The following CNTNAP2 variants were observed in gnomAD, a reference collection of about 807,000 sequenced individuals.
The protein encoded by CNTNAP2 is contactin-associated protein-like 2.
A neutral mutation model predicts 155.2 loss-of-function variants in CNTNAP2; 98 were observed. That is an observed-to-expected ratio of 0.63 (90% CI 0.54 to 0.75). CNTNAP2 has a LOEUF of 0.75. Among genes scored for constraint, CNTNAP2 ranks in the 30% least tolerant of loss-of-function variants. CNTNAP2 has a pLI of 0.00. For synonymous variants in CNTNAP2, 651 were observed against 631.2 expected, an observed-to-expected ratio of 1.03 and a Z score of -0.47; for missense variants, 1,727 against 1,688.1, an observed-to-expected ratio of 1.02 and a Z score of -0.40.
At chr7:147,556,745 C>T (rs1799958915) in intron 11 of CNTNAP2, among the ~76,000 whole-genome samples, 1 of 152,102 alleles carries the variant, frequency 6.6e-6, no homozygotes, top group Admixed American at 6.6e-5. Flanking sequence ...CCCAGTGAAC[C>T]CCATTTCAAA....
intron 21 of CNTNAP2, among the ~76,000 whole-genome samples, chr7:148,302,813 C>CT (rs59354674): frequency 0.44 from 38,546 of 86,934 alleles, 9,560 homozygotes; most frequent in East Asian, 0.66. Context: ...CTCGATTATT[C>CT]TTTTTTTTTT....
chr7:147,656,166 C>T (rs1795522543), intron 13 of CNTNAP2, among the ~76,000 whole-genome samples: 1 of 152,202 alleles, frequency 6.6e-6, no homozygotes, highest in African/African-American at 2.4e-5. Flanking sequence ...TAGGCTATGG[C>T]TTAAGGGAAT....
At chr7:147,522,284 TACTG>T (rs1183087765) in intron 11 of CNTNAP2, among the ~76,000 whole-genome samples, 3 of 152,226 alleles carry the variant, frequency 2.0e-5, no homozygotes, top group African/African-American at 7.2e-5. Flanking sequence ...AGCATATACT[TACTG>T]GTTTTTTATT....
At chr7:146,819,232 T>G (rs1803230472) in intron 2 of CNTNAP2, among the ~76,000 whole-genome samples, 1 of 152,198 alleles carries the variant, frequency 6.6e-6, no homozygotes, top group Non-Finnish European at 1.5e-5. Flanking sequence ...AACATATTGG[T>G]GCACATTATT....
chr7:146,187,211 TA>T (rs1798636832), intron 1 of CNTNAP2, among the ~76,000 whole-genome samples: 1 of 152,144 alleles, frequency 6.6e-6, no homozygotes, highest in Non-Finnish European at 1.5e-5. Context: ...CCAACTCTGG[TA>T]AATGTGAGTA....
chr7:146,130,320 C>G (rs1473026368), intron 1 of CNTNAP2, among the ~76,000 whole-genome samples: 1 of 151,990 alleles, frequency 6.6e-6, no homozygotes, highest in Non-Finnish European at 1.5e-5. Flanking sequence ...TAAAAACTAG[C>G]CAAGTGTGGT....
chr7:146,556,232 C>T lies in CNTNAP2; in HGVS notation c.98-218039C>T, dbSNP rs12111578. On this transcript the variant is annotated intron_variant, in intron 1 of 23. Coordinates refer to ENST00000361727, the MANE Select transcript of CNTNAP2 (RefSeq NM_014141.6). The stretch of plus-strand genomic sequence containing the variant: ...AGTGTAACCTAAAACTACTGTATTC[C>T]TTAAAAGTACTTAGAATAAGGAGAG... 4.2e-3 allele frequency among the ~76,000 whole-genome samples: 632 copies of T among 152,024 alleles called. 8 individuals are homozygous for T. The highest frequency in any genetic ancestry group is 0.014 in the African/African-American group (595 of 41,456).
chr7:147,631,530 C>T (rs1057349342), intron 12 of CNTNAP2, among the ~76,000 whole-genome samples: 1 of 152,042 alleles, frequency 6.6e-6, no homozygotes, highest in Admixed American at 6.6e-5. Flanking sequence ...CAAAGCAAGA[C>T]AAAGCTAAAA....
intron 1 of CNTNAP2, among the ~76,000 whole-genome samples, chr7:146,548,583 T>C (rs1422271811): frequency 6.6e-6 from 1 of 152,056 alleles, no homozygotes; most frequent in Non-Finnish European, 1.5e-5. Context: ...ATTTCCCTGA[T>C]GACTAGTGAC....
chr7:146,600,621 T>G (rs1798936556), intron 1 of CNTNAP2, among the ~76,000 whole-genome samples: 1 of 151,572 alleles, frequency 6.6e-6, no homozygotes, highest in Admixed American at 6.6e-5. Flanking sequence ...CATATATGTG[T>G]GTTTGTATCC....
intron 13 of CNTNAP2, among the ~76,000 whole-genome samples, chr7:147,864,925 T>G (rs986961493): frequency 6.6e-6 from 1 of 152,194 alleles, no homozygotes; most frequent in Non-Finnish European, 1.5e-5. Flanking sequence ...TATTTCTTTC[T>G]CCTGCCTGAT....
chr7:147,169,424 C>T (rs555814830), intron 8 of CNTNAP2, among the ~76,000 whole-genome samples: 38 of 152,128 alleles, frequency 2.5e-4, no homozygotes, highest in Non-Finnish European at 4.7e-4. Flanking sequence ...CAATCAACGC[C>T]CTCCCTCTTT....
At chr7:148,018,235 T>C (rs978312780) in intron 15 of CNTNAP2, among the ~76,000 whole-genome samples, 1 of 152,192 alleles carries the variant, frequency 6.6e-6, no homozygotes, top group African/African-American at 2.4e-5. Flanking sequence ...TAACTATTGA[T>C]TTGTTGAGGT....
intron 22 of CNTNAP2, among the ~76,000 whole-genome samples, chr7:148,395,133 T>C (rs1257965686): frequency 2.2e-5 from 3 of 134,034 alleles, no homozygotes; most frequent in African/African-American, 5.4e-5. Context: ...CCCCCCCTTA[T>C]TGATTAGATT....
At chr7:146,996,977 T>C (rs1225597518) in intron 3 of CNTNAP2, among the ~76,000 whole-genome samples, 2 of 152,138 alleles carry the variant, frequency 1.3e-5, no homozygotes, top group Non-Finnish European at 1.5e-5. Context: ...ATTCTCTCTC[T>C]TGCCTGCTGC....
At chr7:148,112,379 C>T (rs537438236) in intron 15 of CNTNAP2, among the ~76,000 whole-genome samples, 3 of 151,550 alleles carry the variant, frequency 2.0e-5, no homozygotes, top group Admixed American at 6.6e-5. Context: ...AATAATATTA[C>T]ATAGTCCTAA....
chr7:146,499,963 A>C (rs1420089612), intron 1 of CNTNAP2, among the ~76,000 whole-genome samples: 1 of 152,018 alleles, frequency 6.6e-6, no homozygotes, highest in Non-Finnish European at 1.5e-5. Context: ...TTATTCCTAA[A>C]TATTTTCTTT....
intron 9 of CNTNAP2, among the ~76,000 whole-genome samples, chr7:147,376,540 T>G: frequency 6.6e-6 from 1 of 152,164 alleles, no homozygotes; most frequent in East Asian, 1.9e-4. Context: ...CTAACCTTCC[T>G]TATCTCTCAG....
At chr7:147,926,650 C>T (rs902252420) in intron 14 of CNTNAP2, among the ~76,000 whole-genome samples, 11 of 152,140 alleles carry the variant, frequency 7.2e-5, no homozygotes, top group African/African-American at 2.2e-4. Flanking sequence ...CATGAAGTCT[C>T]GTTATATAAC....
Sources: allele counts gnomAD v4.1 joint callset (sites outside exome capture counted in the v4.1 genomes callset), GRCh38; gene constraint gnomAD v4.1.1; transcripts MANE v1.5; gene names NCBI Gene and HGNC (gene_info 2026-07-23, HGNC 2026-07-21).